NYNRIN: variants seen among roughly 807,000 people sequenced by gnomAD.
The protein encoded by NYNRIN is NYN domain and retroviral integrase containing, also known as protein NYNRIN.
In NYNRIN, 86 loss-of-function variants were observed where a neutral mutation model predicts 146.6. The ratio of observed to expected loss-of-function variants is 0.59; its 90% confidence interval spans 0.49 to 0.70. The LOEUF (loss-of-function observed/expected upper bound fraction) is 0.70, where lower values mean the gene tolerates loss of function less well. Among genes scored for constraint, NYNRIN ranks in the 30% least tolerant of loss-of-function variants. NYNRIN has a pLI of 0.00. For synonymous variants in NYNRIN, 1,027 were observed against 1,001.3 expected (o/e 1.03, Z -0.48); for missense variants, 2,191 against 2,377.7 (o/e 0.92, Z 1.63).
chr14:24,399,164 G>A (rs2042823451), intron 1 of NYNRIN, 66 bp from the exon 2 acceptor site: 1 of 1,339,288 alleles, frequency 7.5e-7, no homozygotes, highest in African/African-American at 1.5e-5. Flanking sequence ...TTAGGCGCCT[G>A]GGGCTGGGGG....
At position 24,417,184 on chromosome 14, in the gene NYNRIN, C is replaced by T. The variant is rs770409484; in HGVS notation, c.5435C>T (p.Ala1812Val). ...GTGGCTGACAAGGCGAGTGAAAAGG[C>T]CGAGAACAGGCGTTTCAAGCGGGAG... is the stretch of plus-strand genomic sequence containing the variant. ...WRVADKASEK[A>V]ENRRFKRESQ... The change falls in exon 9 of 9, where the codon GCC (alanine) becomes GTC (valine). Residue 1812 changes from alanine to valine, a missense_variant. Coordinates refer to ENST00000382554, the MANE Select transcript of NYNRIN (RefSeq NM_025081.3). The T allele has an allele frequency of 6.2e-6, 10 of 1,613,906 alleles. No individual in the cohort carries two copies. In the African/African-American group the frequency reaches 1.3e-4, roughly 22 times the overall value.
rs1430520110 is a variant in NYNRIN, at chr14:24,415,882, G to A, written c.4133G>A (p.Cys1378Tyr). 26 of 1,613,970 alleles carry A rather than the reference G, an allele frequency of 1.6e-5. No homozygotes were observed. Among genetic ancestry groups the A allele is most frequent in the Non-Finnish European group, 2.2e-5 (26 of 1,179,890 alleles). ...CTCCCAGTGGTTTTCCTCACTCACT[G>A]CAACTGGATCTTCAGCCTCCTGTGG... ...SPLPVVFLTH[C>Y]NWIFSLLWEL... is the part of the protein sequence containing the mutation. The change falls in exon 9 of 9, where the codon TGC becomes TAC. Residue 1378 changes from cysteine to tyrosine, a missense_variant. This residue lies in a region of NYNRIN where 1,291 missense variants were observed against 1,417.0 expected (regional missense o/e 0.91). Transcript: ENST00000382554.
At chr14:24,400,103 A>T (rs2042831774) in intron 2 of NYNRIN, among the ~76,000 whole-genome samples, 1 of 152,042 alleles carries the variant, frequency 6.6e-6, no homozygotes, top group Admixed American at 6.5e-5. Flanking sequence ...TCTTGATGCC[A>T]CTCAGCTTCT....
Position 24,399,066 on chromosome 14 carries a change from C to A in NYNRIN, c.-38C>A. The A allele has an allele frequency of 1.8e-6, 1 of 547,248 alleles. No individual in the cohort carries two copies. Among genetic ancestry groups the A allele is most frequent in the Non-Finnish European group, 3.1e-6 (1 of 319,130 alleles). 33.9% of individuals were successfully genotyped at this position (547,248 alleles called of 1,614,324 possible). A position where few individuals can be genotyped will look rare whatever the true frequency, so the allele number is the denominator to read the frequency against. ...TCGAAGGGGACCAAGCTCCAGAGGG[C>A]GGGCGCCCGAGCCGTGCGGGGTGGG... On this transcript the variant is annotated 5_prime_UTR_variant, in exon 1 of 9. Transcript: ENST00000382554.
At position 24,419,265 on chromosome 14, in the gene NYNRIN, A is replaced by G. The variant is rs946369393; in HGVS notation, c.*1819A>G. On this transcript the variant is annotated 3_prime_UTR_variant, in exon 9 of 9. Transcript: ENST00000382554. Reference sequence around the variant, plus strand: ...TGAATTTTTTTCATTTGATTTGTCAATAAACGAATCAAACTGGAGCTGATG... The same window carrying G: ...TGAATTTTTTTCATTTGATTTGTCAGTAAACGAATCAAACTGGAGCTGATG... The G allele has an allele frequency of 1.3e-5, 2 of 152,162 alleles. No individual in the cohort carries two copies. The highest frequency in any genetic ancestry group is 2.4e-5 in the African/African-American group (1 of 41,434). The allele number at this position is 152,162 out of a possible 1,614,324, so 9.4% of individuals were successfully genotyped here.
At position 24,417,019 on chromosome 14, in the gene NYNRIN, C is replaced by T. The variant is rs777988787; in HGVS notation, c.5270C>T (p.Pro1757Leu). The change falls in exon 9 of 9, where the codon CCG (proline) becomes CTG (leucine). Residue 1757 changes from proline to leucine, a missense_variant. By Grantham distance (98) the Pro-to-Leu change is moderately conservative. This residue lies in a region of NYNRIN where 1,291 missense variants were observed against 1,417.0 expected (regional missense o/e 0.91). Coordinates refer to ENST00000382554, the MANE Select transcript of NYNRIN (RefSeq NM_025081.3). ...AFRASSTDAT[P>L]FKVLTGGESR... is the part of the protein sequence containing the mutation. ...AGGGCCTCCTCCACTGATGCCACAC[C>T]GTTCAAGGTCCTGACCGGGGGTGAG... The T allele has an allele frequency of 6.9e-6, 11 of 1,601,672 alleles. No homozygotes were observed. The highest frequency in any genetic ancestry group is 3.4e-5 in the South Asian group (3 of 89,372).
intron 4 of NYNRIN, among the ~76,000 whole-genome samples, chr14:24,410,658 G>A (rs1321000995): frequency 6.6e-6 from 1 of 152,206 alleles, no homozygotes; most frequent in Non-Finnish European, 1.5e-5. Flanking sequence ...ACTTACTGCT[G>A]TAGAGGTGTT....
chr14:24,410,083 C>T lies in NYNRIN; in HGVS notation c.2289C>T (p.Ser763=), dbSNP rs757401972. The part of the protein sequence containing the change: ...RQPPRHLQAN[S]TVTSFQRYHE... Reference sequence around the variant, plus strand: ...CACCTCGCCACCTGCAAGCGAACAGCACAGTGACCAGCTTCCAGAGGTACC... The same window carrying T: ...CACCTCGCCACCTGCAAGCGAACAGTACAGTGACCAGCTTCCAGAGGTACC... The change falls in exon 4 of 9, where the codon AGC becomes AGT. Residue 763 remains serine, a synonymous_variant. Transcript: ENST00000382554. The T allele has an allele frequency of 2.5e-6, 4 of 1,614,004 alleles. No individual in the cohort carries two copies. The Admixed American group carries it at 6.7e-5, about 27-fold the overall frequency.
chr14:24,416,719 C>A lies in NYNRIN; in HGVS notation c.4970C>A (p.Thr1657Lys). The A allele has an allele frequency of 6.2e-7, 1 of 1,613,954 alleles. No individual in the cohort carries two copies. The highest frequency in any genetic ancestry group is 1.7e-5 in the Admixed American group (1 of 60,032). Residue 1657 changes from threonine to lysine, a missense_variant, in exon 9 of 9, where the codon ACG becomes AAG. By Grantham distance (78) the Thr-to-Lys change is moderately conservative. Transcript: ENST00000382554. Reference protein sequence around the residue: ...EAFPLKPYTHTAVAQVLLQHV... With the variant: ...EAFPLKPYTHKAVAQVLLQHV... ...TTCCCCCTGAAGCCCTACACACACA[C>A]GGCTGTGGCCCAGGTGCTGCTTCAG... is the stretch of plus-strand genomic sequence containing the variant.
Position 24,416,263 on chromosome 14 carries a change from C to T in NYNRIN, c.4514C>T (p.Ser1505Leu), listed in dbSNP as rs2042945119. ...GCTGGGCAGAAACTGTCTGGCTCCT[C>T]ACCGTTTAGTTCTGCCTTTAACTCA... Reference protein sequence around the residue: ...LQAGQKLSGSSPFSSAFNSLS... With the variant: ...LQAGQKLSGSLPFSSAFNSLS... The change falls in exon 9 of 9, where the codon TCA (serine) becomes TTA (leucine). Residue 1505 changes from serine (S) to leucine (L), a missense_variant. This residue lies in a region of NYNRIN where 1,291 missense variants were observed against 1,417.0 expected (regional missense o/e 0.91). Transcript: ENST00000382554. 1 of 1,613,912 alleles carries T rather than the reference C, an allele frequency of 6.2e-7. No individual in the cohort carries two copies. The highest frequency in any genetic ancestry group is 8.5e-7 in the Non-Finnish European group (1 of 1,179,878).
At chr14:24,402,287 G>C (rs1238828590) in intron 2 of NYNRIN, among the ~76,000 whole-genome samples, 2 of 152,212 alleles carry the variant, frequency 1.3e-5, no homozygotes, top group Non-Finnish European at 2.9e-5. Flanking sequence ...AAATCAGTGA[G>C]TGGAGAGGCG....
At position 24,408,510 on chromosome 14, in the gene NYNRIN, A is replaced by T. The variant is rs1186323769; in HGVS notation, c.840A>T (p.Ala280=). 6 of 1,578,908 alleles carry T rather than the reference A, an allele frequency of 3.8e-6. No individual in the cohort carries two copies. The highest frequency in any genetic ancestry group is 4.3e-6 in the Non-Finnish European group (5 of 1,162,166). Residue 280 remains alanine (A), a synonymous_variant, in exon 3 of 9, where the codon GCA becomes GCT. Transcript: ENST00000382554. ...CAGCCCAGAGCACACCGCAGGAGGCAGCAAACCAGCTGGTACGGTAAGTTC... is the reference window on the plus strand; with the variant it reads ...CAGCCCAGAGCACACCGCAGGAGGCTGCAAACCAGCTGGTACGGTAAGTTC... ...LITAQSTPQE[A]ANQLVRVGSN... is the part of the protein sequence containing the mutation.
intron 2 of NYNRIN, among the ~76,000 whole-genome samples, chr14:24,401,480 G>A (rs1287178808): frequency 1.3e-5 from 2 of 152,118 alleles, no homozygotes; most frequent in African/African-American, 4.8e-5. Flanking sequence ...GGGGATCTGG[G>A]TTTGATATGC....
intron 4 of NYNRIN, among the ~76,000 whole-genome samples, chr14:24,410,751 T>C (rs1174819619): frequency 6.6e-6 from 1 of 152,200 alleles, no homozygotes; most frequent in Non-Finnish European, 1.5e-5. Flanking sequence ...ACACTGTCGG[T>C]GGCCAGGGAA....
rs1307157884 is a variant in NYNRIN, at chr14:24,415,541, C to G, written c.3792C>G (p.Asp1264Glu). ...TCCGATGGTCCCTCTTGGTTCAGGA[C>G]AAAGGCAAGAGGGCCCTGGAATTGG... is the stretch of plus-strand genomic sequence containing the variant. ...WLIRWSLLVQ[D>E]KGKRALELAL... Residue 1264 changes from aspartate (D) to glutamate (E), a missense_variant, in exon 9 of 9, where the codon GAC becomes GAG. Around this residue, in one of 3 missense-constraint regions of NYNRIN, gnomAD observed 1,291 missense variants for 1,417.0 expected, o/e 0.91. Transcript: ENST00000382554. 6.2e-7 allele frequency: 1 copy of G among 1,613,728 alleles called. No homozygotes were observed. Among genetic ancestry groups the G allele is most frequent in the African/African-American group, 1.3e-5 (1 of 74,926 alleles).
At position 24,409,709 on chromosome 14, in the gene NYNRIN, G is replaced by T. The variant is rs1353275813; in HGVS notation, c.1915G>T (p.Gly639Cys). ...GCCTGTAGCAAAAACATCACCTGCA[G>T]GTCCCAAAACACCCAAAGCTCAAGC... ...KMPVAKTSPA[G>C]PKTPKAQAGP... Residue 639 changes from glycine (G) to cysteine (C), a missense_variant, in exon 4 of 9, where the codon GGT (glycine) becomes TGT (cysteine). Gly to Cys is a radical substitution (Grantham distance 159). Coordinates refer to ENST00000382554, the MANE Select transcript of NYNRIN (RefSeq NM_025081.3). 40 of 1,606,414 alleles carry T rather than the reference G, an allele frequency of 2.5e-5. No homozygotes were observed. Among genetic ancestry groups the T allele is most frequent in the Non-Finnish European group, 3.1e-5 (37 of 1,176,458 alleles).
At position 24,416,800 on chromosome 14, in the gene NYNRIN, A is replaced by G. The variant is rs540426935; in HGVS notation, c.5051A>G (p.Gln1684Arg). 2.1e-5 allele frequency: 34 copies of G among 1,612,592 alleles called. No individual in the cohort carries two copies. In the Admixed American group the frequency reaches 4.5e-4, roughly 21 times the overall value. Residue 1684 changes from glutamine to arginine, a missense_variant, in exon 9 of 9, where the codon CAG becomes CGG. Gln to Arg is a conservative substitution (Grantham distance 43). This residue lies in a region of NYNRIN where 1,291 missense variants were observed against 1,417.0 expected (regional missense o/e 0.91). Coordinates refer to ENST00000382554, the MANE Select transcript of NYNRIN (RefSeq NM_025081.3). The stretch of plus-strand genomic sequence containing the variant: ...AGGCTGGAGGCAGCCCAGGGGCCCC[A>G]GTTTGCCCGGCACGTCCTTGTGAGC... ...PVRLEAAQGP[Q>R]FARHVLVSCG... is the part of the protein sequence containing the mutation.
At chr14:24,405,775 G>T (rs58822692) in intron 2 of NYNRIN, among the ~76,000 whole-genome samples, 2,880 of 152,252 alleles carry the variant, frequency 0.019, 91 homozygotes, top group African/African-American at 0.065. Context: ...AAGATAATGT[G>T]TGCAAAGTGC....
chr14:24,415,448 C>T lies in NYNRIN; in HGVS notation c.3699C>T (p.Ser1233=). Residue 1233 remains serine, a synonymous_variant, in exon 9 of 9, where the codon TCC becomes TCT. Transcript: ENST00000382554. ...IGDTPVVLDL[S]YASRTTADPE... ...ACACCCCGGTGGTCCTGGACCTTTC[C>T]TATGCCTCCCGGACCACTGCGGACC... The T allele has an allele frequency of 6.2e-7, 1 of 1,613,936 alleles. No homozygotes were observed. Among genetic ancestry groups the T allele is most frequent in the Non-Finnish European group, 8.5e-7 (1 of 1,179,872 alleles).
Sources: gnomAD v4.1 joint callset for allele counts (sites outside exome capture counted in the v4.1 genomes callset) on GRCh38, gnomAD v4.1.1 for gene constraint, gnomAD v4.1.1 regional missense constraint, MANE v1.5 for transcripts, NCBI Gene and HGNC (gene_info 2026-07-23, HGNC 2026-07-21) for gene names.